RPL18: variants seen among roughly 807,000 people sequenced by gnomAD.
The protein encoded by RPL18 is large ribosomal subunit protein eL18.
Under a neutral mutation model 25.0 loss-of-function variants are expected in RPL18, and 4 were observed. That is an observed-to-expected ratio of 0.16 (90% CI 0.08 to 0.37). The LOEUF is 0.37. Ranked by LOEUF, RPL18 falls within the 10% of genes least tolerant of loss-of-function variation. The probability of loss-of-function intolerance (pLI) is 1.00; values close to 1 mark genes in which losing one functional copy is unlikely to be tolerated. For missense variants in RPL18, 179 were observed against 267.9 expected, an observed-to-expected ratio of 0.67 and a Z score of 2.32; for synonymous variants, 129 against 101.6, an observed-to-expected ratio of 1.27 and a Z score of -1.62.
At position 48,616,079 on chromosome 19, in the gene RPL18, C is replaced by T; in HGVS notation, c.421G>A (p.Gly141Ser). The change falls in exon 5 of 7, where the codon GGT (glycine) becomes AGT (serine). Residue 141 changes from glycine (G) to serine (S), a missense_variant and splice_region_variant. Transcript: ENST00000549920. ...AACCCGTCGACCACGTATCACTCAC[C>T]GGAGAGCAGGACAGTGCCACAGCCC... The part of the protein sequence containing the change: ...PKGCGTVLLS[G>S]PRKGREVYRH... 6.2e-7 allele frequency: 1 copy of T among 1,614,146 alleles called. No homozygotes were observed. Among genetic ancestry groups the T allele is most frequent in the Non-Finnish European group, 8.5e-7 (1 of 1,180,000 alleles).
chr19:48,619,023 G>A lies in RPL18; in HGVS notation c.3+118C>T, dbSNP rs1974287652. The A allele has an allele frequency of 1.3e-5, 14 of 1,089,234 alleles. No homozygotes were observed. In the South Asian group the frequency reaches 1.9e-4, roughly 15 times the overall value. The allele number at this position is 1,089,234 out of a possible 1,614,324, so 67.5% of individuals were successfully genotyped here. ...CCCCCAGAGTAGGTCCCCAGTATCG[G>A]GAATTGCTCCCTCCGGGCAGCCGCA... is the stretch of plus-strand genomic sequence containing the variant. On this transcript the variant is annotated intron_variant, in intron 1 of 6. Transcript: ENST00000549920.
chr19:48,617,680 C>T (rs964065591), intron 2 of RPL18, 111 bp downstream of exon 2: 18 of 831,370 alleles, frequency 2.2e-5, no homozygotes, highest in African/African-American at 8.5e-5. Flanking sequence ...ACCAGAGACC[C>T]GAGACTGCTC....
rs1280261234 is a variant in RPL18, at chr19:48,615,922, T to C, written c.446A>G (p.Tyr149Cys). 5 of 1,613,628 alleles carry C rather than the reference T, an allele frequency of 3.1e-6. No individual in the cohort carries two copies. The highest frequency in any genetic ancestry group is 3.4e-6 in the Non-Finnish European group (4 of 1,179,858). ...LSGPRKGREV[Y>C]RHFGKAPGTP... The stretch of plus-strand genomic sequence containing the variant: ...TCCTGGGGCCTTGCCGAAATGCCGG[T>C]ACACCTCTCGGCCCTTGCGAGGACC... Residue 149 changes from tyrosine to cysteine, a missense_variant, in exon 6 of 7, where the codon TAC (tyrosine) becomes TGC (cysteine). Physicochemically the swap from Tyr to Cys is radical, Grantham distance 194 (BLOSUM62 -2). Coordinates refer to ENST00000549920, the MANE Select transcript of RPL18 (RefSeq NM_000979.4).
At chr19:48,615,520 C>A in intron 6 of RPL18, 73 bp from the exon 7 acceptor site, 8 of 1,123,924 alleles carry the variant, frequency 7.1e-6, no homozygotes. Context: ...AGGAACACCA[C>A]AAGCCTGTCA....
chr19:48,615,911 C>A lies in RPL18; in HGVS notation c.457G>T (p.Gly153Cys). 1 of 1,613,428 alleles carries A rather than the reference C, an allele frequency of 6.2e-7. No homozygotes were observed. Among genetic ancestry groups the A allele is most frequent in the South Asian group, 1.1e-5 (1 of 90,986 alleles). The change falls in exon 6 of 7, where the codon GGC becomes TGC. Residue 153 changes from glycine (G) to cysteine (C), a missense_variant. Gly to Cys is a radical substitution (Grantham distance 159, BLOSUM62 -3). Transcript: ENST00000549920. Reference protein sequence around the residue: ...RKGREVYRHFGKAPGTPHSHT... With the variant: ...RKGREVYRHFCKAPGTPHSHT... ...CTGTGCGGGGTTCCTGGGGCCTTGC[C>A]GAAATGCCGGTACACCTCTCGGCCC...
chr19:48,616,396 T>C, intron 4 of RPL18, 194 bp from the exon 5 acceptor site: 1 of 682,430 alleles, frequency 1.5e-6, no homozygotes, highest in Non-Finnish European at 2.5e-6. Flanking sequence ...CCTGGTGTTA[T>C]GCTAGAAACT....
intron 1 of RPL18, chr19:48,618,133 G>A: frequency 2.9e-6 from 1 of 339,866 alleles, no homozygotes; most frequent in South Asian, 4.7e-5. Flanking sequence ...AATACAAAAA[G>A]GTCAATTCTT....
At chr19:48,617,178 A>C in intron 3 of RPL18, 138 bp downstream of exon 3, 2 of 795,306 alleles carry the variant, frequency 2.5e-6, no homozygotes, top group Non-Finnish European at 4.5e-6. Flanking sequence ...CCAACAGTCC[A>C]AGCTCTACGC....
intron 1 of RPL18, 112 bp downstream of exon 1, chr19:48,619,029 G>C: frequency 8.7e-7 from 1 of 1,155,246 alleles, no homozygotes; most frequent in Non-Finnish European, 1.3e-6. Flanking sequence ...ATCGGGAATT[G>C]CTCCCTCCGG....
chr19:48,616,309 A>G, intron 4 of RPL18, 107 bp from the exon 5 acceptor site: 2 of 1,390,864 alleles, frequency 1.4e-6, no homozygotes, highest in Non-Finnish European at 2.0e-6. Flanking sequence ...GGTAACCAAC[A>G]CTATCGTTTA....
rs751090493 is a variant in RPL18, at chr19:48,615,411, A to G, written c.528T>C (p.Arg176=). ...CTCGGCTGGCCCGTCGGCCTCTGGC[A>G]CGCTCGAACTTCCGGCCCTTGGAGC... ...YVRSKGRKFE[R]ARGRRASRGY... is the part of the protein sequence containing the mutation. Residue 176 remains arginine, a synonymous_variant, in exon 7 of 7, where the codon CGT becomes CGC. Coordinates refer to ENST00000549920, the MANE Select transcript of RPL18 (RefSeq NM_000979.4). The G allele has an allele frequency of 3.1e-6, 5 of 1,613,100 alleles. No homozygotes were observed. The African/African-American group carries it at 6.7e-5, about 22-fold the overall frequency.
Position 48,619,178 on chromosome 19 carries a change from G to A in RPL18, c.-35C>T, listed in dbSNP as rs1032447329. 6 of 712,330 alleles carry A rather than the reference G, an allele frequency of 8.4e-6. No individual in the cohort carries two copies. In the East Asian group the frequency reaches 1.5e-4, roughly 18 times the overall value. The allele number at this position is 712,330 out of a possible 1,614,324, so 44.1% of individuals were successfully genotyped here. ...TCCTGCTCGGCCAGGTCCGGAAAGA[G>A]AGAACGGGCTGGGGTGGGCGGGGAA... On this transcript the variant is annotated 5_prime_UTR_variant, in exon 1 of 7. Coordinates refer to ENST00000549920, the MANE Select transcript of RPL18 (RefSeq NM_000979.4).
At chr19:48,618,447 A>C (rs1974253528) in intron 1 of RPL18, 1 of 154,624 alleles carries the variant, frequency 6.5e-6, no homozygotes, top group Non-Finnish European at 1.4e-5. Context: ...AACAAGCGTG[A>C]GCCGCCTCGC....
At chr19:48,616,662 C>CACAGCACAGT in intron 4 of RPL18, 64 bp downstream of exon 4, 1 of 1,131,474 alleles carries the variant, frequency 8.8e-7, no homozygotes, top group Non-Finnish European at 1.4e-6. Flanking sequence ...CACAGCACAG[C>CACAGCACAGT]ACAGCACAGC....
rs763011562 is a variant in RPL18, at chr19:48,615,370, G to A, written c.*2C>T. 1 of 1,608,868 alleles carries A rather than the reference G, an allele frequency of 6.2e-7. No individual in the cohort carries two copies. The highest frequency in any genetic ancestry group is 2.2e-5 in the East Asian group (1 of 44,816). On this transcript the variant is annotated 3_prime_UTR_variant, in exon 7 of 7. Transcript: ENST00000549920. ...TTTTTAATAAGAGAGTAGGATCCAG[G>A]GTTAGTTTTTGTAGCCTCGGCTGGC... is the stretch of plus-strand genomic sequence containing the variant.
intron 3 of RPL18, 165 bp downstream of exon 3, chr19:48,617,151 T>C (rs760429785): frequency 2.7e-6 from 2 of 753,198 alleles, no homozygotes; most frequent in East Asian, 2.5e-5. Context: ...CCACTGCCCA[T>C]GGACACTCAG....
Position 48,616,807 on chromosome 19 carries a change from A to T in RPL18, c.216T>A (p.Leu72=). ...CGGCCGTCTTGTTTTCCCGGCCAGG[A>T]AGCTTCATCTTCCGGATCTTAGGGT... ...SLSRMIRKMK[L]PGRENKTAVV... The change falls in exon 4 of 7, where the codon CTT becomes CTA. Residue 72 remains leucine, a synonymous_variant. Coordinates refer to ENST00000549920, the MANE Select transcript of RPL18 (RefSeq NM_000979.4). 1.2e-6 allele frequency: 2 copies of T among 1,613,494 alleles called. No individual in the cohort carries two copies. The highest frequency in any genetic ancestry group is 1.7e-6 in the Non-Finnish European group (2 of 1,179,704).
chr19:48,617,787 T>A lies in RPL18; in HGVS notation c.90+4A>T, dbSNP rs1974225498. 6.2e-7 allele frequency: 1 copy of A among 1,612,878 alleles called. No individual in the cohort carries two copies. ...TTCCCAAAGACCTCAGGGCCCAGCCTCACCTTGACCAACAGCCTCAGGTAG... is the reference window on the plus strand; with the variant it reads ...TTCCCAAAGACCTCAGGGCCCAGCCACACCTTGACCAACAGCCTCAGGTAG... On this transcript the variant is annotated splice_donor_region_variant and intron_variant, in intron 2 of 6. Transcript: ENST00000549920.
At chr19:48,615,527 GT>G in intron 6 of RPL18, 80 bp from the exon 7 acceptor site, 1 of 1,070,138 alleles carries the variant, frequency 9.3e-7, no homozygotes, top group East Asian at 2.4e-5. Context: ...CCACAAGCCT[GT>G]CACATTCAGC....
Sources: gnomAD v4.1 joint callset for allele counts on GRCh38, gnomAD v4.1.1 for gene constraint, MANE v1.5 for transcripts, NCBI Gene and HGNC (gene_info 2026-07-23, HGNC 2026-07-21) for gene names.